NAPEPLD: variants seen among roughly 807,000 people sequenced by gnomAD.
NAPEPLD encodes N-acyl-phosphatidylethanolamine-hydrolyzing phospholipase D.
A neutral mutation model predicts 38.1 loss-of-function variants in NAPEPLD; 23 were observed. The ratio of observed to expected loss-of-function variants is 0.60; its 90% CI spans 0.43 to 0.86. NAPEPLD has a LOEUF of 0.86. Among genes scored for constraint, NAPEPLD ranks in the 40% least tolerant of loss-of-function variants. NAPEPLD has a pLI of 0.00. For missense variants in NAPEPLD, 411 were observed against 476.8 expected, an observed-to-expected ratio of 0.86 and a Z score of 1.28; for synonymous variants, 147 against 162.0, an observed-to-expected ratio of 0.91 and a Z score of 0.71.
chr7:103,117,604 T>C (rs6966961), intron 3 of NAPEPLD, among the ~76,000 whole-genome samples: 133,238 of 152,218 alleles, frequency 0.88, 61,048 homozygotes, highest in East Asian at 1. Flanking sequence ...CACTCTCAAG[T>C]GTTATTCAAT....
At chr7:103,106,201 T>C (rs1457420230) in intron 4 of NAPEPLD, among the ~76,000 whole-genome samples, 2 of 152,080 alleles carry the variant, frequency 1.3e-5, no homozygotes, top group African/African-American at 4.8e-5. Context: ...GGAGGAACAG[T>C]GCACTCCAGC....
At chr7:103,145,920 C>CT (rs1812455943) in intron 1 of NAPEPLD, among the ~76,000 whole-genome samples, 1 of 151,748 alleles carries the variant, frequency 6.6e-6, no homozygotes, top group Middle Eastern at 3.2e-3. Context: ...TCCAGAAACT[C>CT]TTTAAGCTTT....
In NAPEPLD at chr7:103,118,510, G is replaced by A. The variant is rs183804701; in HGVS notation, c.941+1067C>T. Among the ~76,000 whole-genome samples, 4 of 152,204 alleles carry A rather than the reference G, an allele frequency of 2.6e-5. No homozygotes were observed. In the East Asian group the frequency reaches 7.7e-4, roughly 29 times the overall value. Reference sequence around the variant, plus strand: ...TCGTTTTAGTGAATGTAAAAATTTAGCAAATAACAAAATCAGATGAAAACA... The same window carrying A: ...TCGTTTTAGTGAATGTAAAAATTTAACAAATAACAAAATCAGATGAAAACA... On this transcript the variant is annotated intron_variant, in intron 3 of 4. Coordinates refer to ENST00000465647, the MANE Select transcript of NAPEPLD (RefSeq NM_001122838.3).
At chr7:103,104,486 C>G (rs1802909664) in intron 4 of NAPEPLD, among the ~76,000 whole-genome samples, 1 of 152,190 alleles carries the variant, frequency 6.6e-6, no homozygotes, top group African/African-American at 2.4e-5. Flanking sequence ...GAAAACCAGG[C>G]AAGTTTCCTG....
At chr7:103,141,775 C>G in intron 1 of NAPEPLD, 1 of 864,098 alleles carries the variant, frequency 1.2e-6, no homozygotes, top group Non-Finnish European at 2.0e-6. Context: ...AATGGACCAT[C>G]ACAGGCTTGC....
chr7:103,122,637 G>A (rs1806953626), intron 2 of NAPEPLD, among the ~76,000 whole-genome samples: 3 of 152,172 alleles, frequency 2.0e-5, no homozygotes, highest in Admixed American at 1.3e-4. Context: ...TCATTCCTGT[G>A]AGGATAGAAT....
rs1405800963 is a variant in NAPEPLD at position 103,103,015 on chromosome 7, G to GA, written c.*413dup. 1.3e-4 allele frequency: 20 copies of GA among 153,072 alleles called. No individual in the cohort carries two copies. Among genetic ancestry groups the GA allele is most frequent in the African/African-American group, 4.8e-4 (20 of 41,474 alleles). The allele number at this position is 153,072 out of a possible 1,614,324, so 9.5% of individuals were successfully genotyped here. On this transcript the variant is annotated 3_prime_UTR_variant, in exon 5 of 5. Coordinates refer to ENST00000465647, the MANE Select transcript of NAPEPLD (RefSeq NM_001122838.3). ...AAGATACTTGTATTTGTAGGCCTCT[G>GA]AAAAACATCTAGGTAGGTAGAGAGC...
intron 1 of NAPEPLD, among the ~76,000 whole-genome samples, chr7:103,143,881 T>C (rs759108842): frequency 6.6e-6 from 1 of 152,150 alleles, no homozygotes; most frequent in Non-Finnish European, 1.5e-5. Flanking sequence ...TGTGGGTGCC[T>C]TGATCAACAC....
chr7:103,101,999 T>TGGG lies in NAPEPLD; in HGVS notation c.*1429_*1430insCCC. 1 of 124,772 alleles carries TGGG rather than the reference T, an allele frequency of 8.0e-6. No homozygotes were observed. Among genetic ancestry groups the TGGG allele is most frequent in the African/African-American group, 3.0e-5 (1 of 33,562 alleles). The allele number at this position is 124,772 out of a possible 1,614,324, so 7.7% of individuals were successfully genotyped here. A position where few individuals can be genotyped will look rare whatever the true frequency, so the allele number is the denominator to read the frequency against. On this transcript the variant is annotated 3_prime_UTR_variant, in exon 5 of 5. Transcript: ENST00000465647. Reference sequence around the variant, plus strand: ...AGGACTAAATCTTATGTCAACTGACTCCCCCCCCGCCCCCCAACCACTGGC... The same window carrying TGGG: ...AGGACTAAATCTTATGTCAACTGACTGGGCCCCCCCCGCCCCCCAACCACTGGC...
chr7:103,125,881 C>G (rs1047731735), intron 2 of NAPEPLD, among the ~76,000 whole-genome samples: 7 of 126,074 alleles, frequency 5.6e-5, no homozygotes, highest in African/African-American at 2.4e-4. Context: ...GAGTGAGACT[C>G]TGTCTCAAAA....
chr7:103,141,553 C>T (rs928655387), intron 1 of NAPEPLD: 6 of 1,245,562 alleles, frequency 4.8e-6, no homozygotes, highest in Non-Finnish European at 7.1e-6. Context: ...TTAACACATT[C>T]CTCTTCACCT....
At chr7:103,123,213 C>T (rs1255512761) in intron 2 of NAPEPLD, among the ~76,000 whole-genome samples, 1 of 152,228 alleles carries the variant, frequency 6.6e-6, no homozygotes, top group African/African-American at 2.4e-5. Context: ...TCCCTATTCA[C>T]ACATCTCCTC....
intron 1 of NAPEPLD, among the ~76,000 whole-genome samples, chr7:103,145,560 C>A (rs1563375989): frequency 6.6e-6 from 1 of 152,232 alleles, no homozygotes; most frequent in Non-Finnish European, 1.5e-5. Context: ...ACTCCTGTGA[C>A]AGCAGAAATT....
chr7:103,123,142 C>T (rs567152561), intron 2 of NAPEPLD, among the ~76,000 whole-genome samples: 25 of 152,350 alleles, frequency 1.6e-4, no homozygotes, highest in Non-Finnish European at 2.8e-4. Flanking sequence ...CTTATCCCTT[C>T]GGGCCATCTC....
At chr7:103,107,159 G>A (rs1315298801) in intron 4 of NAPEPLD, among the ~76,000 whole-genome samples, 1 of 152,122 alleles carries the variant, frequency 6.6e-6, no homozygotes, top group Admixed American at 6.5e-5. Context: ...GCAGCAGAGG[G>A]GCCTGTAAGA....
chr7:103,116,494 G>A (rs531976235), intron 3 of NAPEPLD, among the ~76,000 whole-genome samples: 2 of 152,264 alleles, frequency 1.3e-5, no homozygotes, highest in East Asian at 3.9e-4. Flanking sequence ...AAAAACCAAA[G>A]CTCCAATTAC....
chr7:103,130,367 G>A (rs572496209), intron 1 of NAPEPLD, among the ~76,000 whole-genome samples: 30 of 152,206 alleles, frequency 2.0e-4, no homozygotes, highest in South Asian at 6.2e-4. Context: ...CTCAGCCATC[G>A]CTGTATGTGG....
upstream of NAPEPLD, chr7:103,149,661 G>T (rs1054854830): frequency 3.4e-6 from 1 of 297,452 alleles, no homozygotes; most frequent in Non-Finnish European, 6.2e-6. Flanking sequence ...GGCCTGCCCC[G>T]GCCCGCCTCG....
chr7:103,120,007 T>G lies in NAPEPLD; in HGVS notation c.511A>C (p.Thr171Pro). 6.2e-7 allele frequency: 1 copy of G among 1,614,184 alleles called. No homozygotes were observed. Among genetic ancestry groups the G allele is most frequent in the Non-Finnish European group, 8.5e-7 (1 of 1,180,034 alleles). Residue 171 changes from threonine (T) to proline (P), a missense_variant, in exon 3 of 5, where the codon ACA becomes CCA. Physicochemically the swap from Thr to Pro is conservative, Grantham distance 38. Coordinates refer to ENST00000465647, the MANE Select transcript of NAPEPLD (RefSeq NM_001122838.3). Reference sequence around the variant, plus strand: ...TCTATTGGAGGGAGTTCACTTATTGTGCACGGGGAACGACGAAATCGCTTT... The same window carrying G: ...TCTATTGGAGGGAGTTCACTTATTGGGCACGGGGAACGACGAAATCGCTTT... ...GPKRFRRSPC[T>P]ISELPPIDAV... is the part of the protein sequence containing the mutation.
Sources: allele counts gnomAD v4.1 joint callset (sites outside exome capture counted in the v4.1 genomes callset), GRCh38; gene constraint gnomAD v4.1.1; transcripts MANE v1.5; gene names NCBI Gene and HGNC (gene_info 2026-07-23, HGNC 2026-07-21).